The following CYTH3 variants were observed in gnomAD, a reference collection of about 807,000 sequenced individuals.
CYTH3 encodes the protein cytohesin 3.
Under a neutral mutation model 55.1 loss-of-function variants are expected in CYTH3, and 23 were observed. That is an observed-to-expected ratio of 0.42 (90% confidence interval 0.30 to 0.59). The LOEUF (loss-of-function observed/expected upper bound fraction) is 0.59, where lower values mean the gene tolerates loss of function less well. CYTH3 is among the 20% of genes least tolerant of loss of function. The pLI, the probability that CYTH3 is intolerant of heterozygous loss-of-function variation, is 0.20. For synonymous variants in CYTH3, 249 were observed against 194.9 expected, an observed-to-expected ratio of 1.28 and a Z score of -2.31; for missense variants, 413 against 524.8, an observed-to-expected ratio of 0.79 and a Z score of 2.08.
At chr7:6,240,385 C>G (rs1015001683) in intron 1 of CYTH3, among the ~76,000 whole-genome samples, 2 of 150,642 alleles carry the variant, frequency 1.3e-5, no homozygotes, top group African/African-American at 4.9e-5. Context: ...AACAAGCAAG[C>G]AAGAATAACC....
rs6973594 is a variant in CYTH3, at chr7:6,187,289, T to G, written c.183-173A>C. Among the ~76,000 whole-genome samples, 879 of 152,350 alleles carry G rather than the reference T, an allele frequency of 5.8e-3. 10 individuals carry two copies. Among genetic ancestry groups the G allele is most frequent in the African/African-American group, 0.02 (851 of 41,582 alleles). ...GCGGCAGGGGTGGTGCAGCCACCATTGCTGTTCACATTTGATAACTTGAGA... is the reference window on the plus strand; with the variant it reads ...GCGGCAGGGGTGGTGCAGCCACCATGGCTGTTCACATTTGATAACTTGAGA... On this transcript the variant is annotated intron_variant, in intron 3 of 12. Transcript: ENST00000350796.
At position 6,172,510 on chromosome 7, in the gene CYTH3, A is replaced by G. The variant is rs1415617861; in HGVS notation, c.449+1143T>C. 2.0e-5 allele frequency among the ~76,000 whole-genome samples: 3 copies of G among 152,282 alleles called. No individual in the cohort carries two copies. The South Asian group carries it at 6.2e-4, about 32-fold the overall frequency. ...CCCACACAGGCTTGCCGTGCCCCTCAGGACAAAAGCTAACATCCTCAGGGC... is the reference window on the plus strand; with the variant it reads ...CCCACACAGGCTTGCCGTGCCCCTCGGGACAAAAGCTAACATCCTCAGGGC... On this transcript the variant is annotated intron_variant, in intron 6 of 12. Coordinates refer to ENST00000350796, the MANE Select transcript of CYTH3 (RefSeq NM_004227.4).
chr7:6,204,738 A>G (rs565424275), intron 1 of CYTH3, among the ~76,000 whole-genome samples: 52 of 152,290 alleles, frequency 3.4e-4, no homozygotes, highest in Middle Eastern at 3.4e-3. Flanking sequence ...TGGCTCCCCA[A>G]TCAAATCATT....
At chr7:6,272,350 C>A in intron 1 of CYTH3, 124 bp downstream of exon 1, 1 of 977,716 alleles carries the variant, frequency 1.0e-6, no homozygotes, top group Non-Finnish European at 1.3e-6. Context: ...CAGCGGACGC[C>A]GCTGCCGCTG....
At chr7:6,187,817 C>T (rs1420269403) in intron 2 of CYTH3, 96 bp from the exon 3 acceptor site, 14 of 955,650 alleles carry the variant, frequency 1.5e-5, no homozygotes, top group South Asian at 3.9e-5. Context: ...AGCTTCCCTG[C>T]GGTCTCACCG....
chr7:6,211,365 T>C (rs1562389868), intron 1 of CYTH3, among the ~76,000 whole-genome samples: 3 of 152,288 alleles, frequency 2.0e-5, no homozygotes, highest in African/African-American at 7.2e-5. Context: ...GATGGCTGAA[T>C]GCACGTTTTG....
At chr7:6,196,754 C>T (rs1372840335) in intron 1 of CYTH3, among the ~76,000 whole-genome samples, 1 of 152,166 alleles carries the variant, frequency 6.6e-6, no homozygotes, top group Non-Finnish European at 1.5e-5. Context: ...AGCCACCGCG[C>T]CCAGCCGCAT....
At chr7:6,177,673 C>G (rs1318657551) in intron 5 of CYTH3, 150 bp downstream of exon 5, 1 of 643,400 alleles carries the variant, frequency 1.6e-6, no homozygotes, top group East Asian at 2.5e-5. Context: ...ACTGGGCTCG[C>G]TTGGTATTGA....
intron 4 of CYTH3, among the ~76,000 whole-genome samples, chr7:6,186,802 G>A (rs895575311): frequency 6.6e-6 from 1 of 152,182 alleles, no homozygotes; most frequent in Non-Finnish European, 1.5e-5. Flanking sequence ...GTGCCTGTGA[G>A]GCTGCTTCCT....
At chr7:6,187,356 A>G (rs912501820) in intron 3 of CYTH3, among the ~76,000 whole-genome samples, 4 of 152,266 alleles carry the variant, frequency 2.6e-5, no homozygotes, top group African/African-American at 9.6e-5. Context: ...TGATTTTAAT[A>G]AAGCACAGTT....
At chr7:6,238,602 T>C (rs1231260366) in intron 1 of CYTH3, among the ~76,000 whole-genome samples, 1 of 152,202 alleles carries the variant, frequency 6.6e-6, no homozygotes, top group African/African-American at 2.4e-5. Context: ...GATGATACTA[T>C]AACGGTGGGT....
At chr7:6,221,704 TA>T (rs11407292) in intron 1 of CYTH3, among the ~76,000 whole-genome samples, 1 of 151,418 alleles carries the variant, frequency 6.6e-6, no homozygotes. Flanking sequence ...AAAATGAAGT[TA>T]AAAAAAAATT....
At chr7:6,233,605 G>A (rs998836701) in intron 1 of CYTH3, among the ~76,000 whole-genome samples, 30 of 149,238 alleles carry the variant, frequency 2.0e-4, no homozygotes, top group Admixed American at 1.7e-3. Flanking sequence ...GCAGTGAGCC[G>A]AGATCGCGCC....
chr7:6,162,572 T>G lies in CYTH3; in HGVS notation c.*2372A>C, dbSNP rs1562869440. 1 of 152,180 alleles carries G rather than the reference T, an allele frequency of 6.6e-6. No individual in the cohort carries two copies. The highest frequency in any genetic ancestry group is 1.9e-4 in the East Asian group (1 of 5,194). The allele number at this position is 152,180 out of a possible 1,614,324, so 9.4% of individuals were successfully genotyped here. A position where few individuals can be genotyped will look rare whatever the true frequency, so the allele number is the denominator to read the frequency against. ...TTCTGGACCAGGCCTGCCTCAAGGA[T>G]CAGCAGGCATGATGGTCGCACAGCC... On this transcript the variant is annotated 3_prime_UTR_variant, in exon 13 of 13. Coordinates refer to ENST00000350796, the MANE Select transcript of CYTH3 (RefSeq NM_004227.4).
chr7:6,241,185 A>C (rs193123143), intron 1 of CYTH3, among the ~76,000 whole-genome samples: 2 of 152,338 alleles, frequency 1.3e-5, no homozygotes, highest in Non-Finnish European at 2.9e-5. Flanking sequence ...CGACAAAAAC[A>C]AAACCAAAAC....
chr7:6,224,956 T>C (rs1189016951), intron 1 of CYTH3, among the ~76,000 whole-genome samples: 2 of 152,234 alleles, frequency 1.3e-5, no homozygotes, highest in African/African-American at 4.8e-5. Context: ...AAAGACCACA[T>C]ACTGCTTGAT....
At chr7:6,266,310 C>T (rs369767453) in intron 1 of CYTH3, among the ~76,000 whole-genome samples, 1 of 152,088 alleles carries the variant, frequency 6.6e-6, no homozygotes, top group Non-Finnish European at 1.5e-5. Context: ...AAATTTCAGA[C>T]CAATTACTTA....
intron 1 of CYTH3, among the ~76,000 whole-genome samples, chr7:6,201,870 T>C (rs1784065729): frequency 6.6e-6 from 1 of 151,584 alleles, no homozygotes; most frequent in African/African-American, 2.4e-5. Flanking sequence ...AAAGGGAAAT[T>C]AAAACTGGAA....
intron 4 of CYTH3, among the ~76,000 whole-genome samples, chr7:6,182,270 G>C (rs992470509): frequency 1.3e-5 from 2 of 152,072 alleles, no homozygotes; most frequent in Non-Finnish European, 2.9e-5. Context: ...AGCTGCTCTT[G>C]AACTTCTAAC....
Sources: allele counts gnomAD v4.1 joint callset (sites outside exome capture counted in the v4.1 genomes callset), GRCh38; gene constraint gnomAD v4.1.1; transcripts MANE v1.5; gene names NCBI Gene and HGNC (gene_info 2026-07-23, HGNC 2026-07-21).